Variants in ZNF407 observed in about 807,000 individuals in gnomAD.
ZNF407 encodes zinc finger protein 407.
In ZNF407, 17 loss-of-function variants were observed where a neutral mutation model predicts 131.2. That is an observed-to-expected ratio of 0.13 (90% CI 0.09 to 0.19). ZNF407 has a LOEUF of 0.19. Among genes scored for constraint, ZNF407 ranks in the 10% least tolerant of loss-of-function variants. ZNF407 has a pLI of 1.00. For synonymous variants in ZNF407, 1,156 were observed against 1,062.0 expected, an observed-to-expected ratio of 1.09 and a Z score of -1.72; for missense variants, 2,681 against 2,830.6, an observed-to-expected ratio of 0.95 and a Z score of 1.20.
intron 8 of ZNF407, among the ~76,000 whole-genome samples, chr18:75,027,696 G>A (rs1973187665): frequency 6.6e-6 from 1 of 152,174 alleles, no homozygotes; most frequent in African/African-American, 2.4e-5. Flanking sequence ...TCTTAGGAGG[G>A]AGTGTGAGGA....
chr18:74,598,113 C>G (rs1299250657), intron 1 of ZNF407, 176 bp downstream of exon 1: 1 of 138,306 alleles, frequency 7.2e-6, no homozygotes, highest in Admixed American at 7.3e-5. Context: ...CCCTCCCTGT[C>G]GCCTTCCTTC....
intron 8 of ZNF407, among the ~76,000 whole-genome samples, chr18:74,979,601 A>G (rs1023414806): frequency 1.3e-5 from 2 of 152,170 alleles, no homozygotes; most frequent in Admixed American, 1.3e-4. Context: ...TAAGAATTAT[A>G]TTTTTAATGT....
chr18:74,816,827 G>C (rs1970273776), intron 4 of ZNF407, among the ~76,000 whole-genome samples: 1 of 151,940 alleles, frequency 6.6e-6, no homozygotes, highest in Non-Finnish European at 1.5e-5. Context: ...TATTAAATTG[G>C]TGGTATAATT....
intron 4 of ZNF407, among the ~76,000 whole-genome samples, chr18:74,849,013 A>G (rs908170606): frequency 2.0e-5 from 3 of 150,802 alleles, no homozygotes; most frequent in African/African-American, 7.3e-5. Context: ...GGATTCCTTC[A>G]ATGCCACTTC....
intron 2 of ZNF407, among the ~76,000 whole-genome samples, chr18:74,637,269 C>T (rs894433824): frequency 3.3e-5 from 5 of 152,160 alleles, no homozygotes; most frequent in African/African-American, 1.2e-4. Context: ...TTTATTTAGT[C>T]GTTTACAATG....
chr18:74,720,604 GTTTTC>G (rs1968007692), intron 3 of ZNF407, among the ~76,000 whole-genome samples: 1 of 151,918 alleles, frequency 6.6e-6, no homozygotes, highest in South Asian at 2.1e-4. Context: ...GTTCTCCTAT[GTTTTC>G]TTCTGTTACT....
At chr18:74,857,126 G>A (rs1008904673) in intron 4 of ZNF407, among the ~76,000 whole-genome samples, 2 of 152,200 alleles carry the variant, frequency 1.3e-5, no homozygotes, top group Non-Finnish European at 2.9e-5. Flanking sequence ...TGTAATAAGA[G>A]TATTAAAGAC....
At chr18:74,757,727 A>G (rs1023815314) in intron 3 of ZNF407, among the ~76,000 whole-genome samples, 2 of 152,124 alleles carry the variant, frequency 1.3e-5, no homozygotes, top group African/African-American at 4.8e-5. Context: ...TTTATTACTG[A>G]AAATGGGCTT....
chr18:74,781,205 G>C (rs7228254), intron 3 of ZNF407, among the ~76,000 whole-genome samples: 99,635 of 151,972 alleles, frequency 0.66, 34,421 homozygotes, highest in East Asian at 0.95. Context: ...CTCACTGTTA[G>C]TGTATCCAAG....
chr18:74,969,009 G>GACAGA (rs1164341975), intron 8 of ZNF407, among the ~76,000 whole-genome samples: 1 of 152,092 alleles, frequency 6.6e-6, no homozygotes, highest in African/African-American at 2.4e-5. Context: ...TCTTCCCTCA[G>GACAGA]GTTTGCTGAT....
At chr18:74,756,651 A>T (rs1198545888) in intron 3 of ZNF407, among the ~76,000 whole-genome samples, 6 of 152,134 alleles carry the variant, frequency 3.9e-5, no homozygotes, top group African/African-American at 1.4e-4. Flanking sequence ...AACATTGCTG[A>T]AATTGTTTAT....
At chr18:75,039,937 T>C (rs1318356624) in intron 8 of ZNF407, among the ~76,000 whole-genome samples, 1 of 152,140 alleles carries the variant, frequency 6.6e-6, no homozygotes, top group Non-Finnish European at 1.5e-5. Flanking sequence ...GGAAATGAGT[T>C]GTATGCAGTT....
chr18:74,648,382 G>T (rs548904640), intron 3 of ZNF407, among the ~76,000 whole-genome samples: 1 of 152,152 alleles, frequency 6.6e-6, no homozygotes, highest in Non-Finnish European at 1.5e-5. Flanking sequence ...AATTGGGTGA[G>T]GTGGGCAGGG....
chr18:74,695,952 G>A (rs1967344861), intron 3 of ZNF407, among the ~76,000 whole-genome samples: 1 of 152,188 alleles, frequency 6.6e-6, no homozygotes, highest in Non-Finnish European at 1.5e-5. Context: ...CTTCCAGTCA[G>A]GATTTCCTTT....
Position 74,726,502 on chromosome 18 carries a change from T to C in ZNF407, c.4803-54926T>C, listed in dbSNP as rs1199896907. The stretch of plus-strand genomic sequence containing the variant: ...ATGCATAAACCAATTTACATAGAAA[T>C]ATGAAACAGCAATGTATTGGGAAAA... On this transcript the variant is annotated intron_variant, in intron 3 of 8. Transcript: ENST00000299687. 3.9e-5 allele frequency among the ~76,000 whole-genome samples: 6 copies of C among 152,268 alleles called. No homozygotes were observed. In the South Asian group the frequency reaches 8.3e-4, roughly 21 times the overall value.
At chr18:74,744,024 C>T (rs1968611163) in intron 3 of ZNF407, among the ~76,000 whole-genome samples, 1 of 151,888 alleles carries the variant, frequency 6.6e-6, no homozygotes, top group Non-Finnish European at 1.5e-5. Flanking sequence ...CTCATGGGAC[C>T]TTTTGATTAG....
rs910203534 is a variant in ZNF407 at position 74,633,983 on chromosome 18, A to C, written c.2964A>C (p.Lys988Asn). 5.0e-6 allele frequency: 8 copies of C among 1,613,926 alleles called. No homozygotes were observed. The African/African-American group carries it at 9.3e-5, about 19-fold the overall frequency. Residue 988 changes from lysine to asparagine, a missense_variant, in exon 2 of 9, where the codon AAA (lysine) becomes AAC (asparagine). Transcript: ENST00000299687. The stretch of plus-strand genomic sequence containing the variant: ...AAGTTAACAGCCATCTTCTTGATAA[A>C]AAGGAGCAAATATCTTCAGAGCCAG... ...DGEVNSHLLD[K>N]KEQISSEPED...
chr18:74,857,035 T>A (rs1184368207), intron 4 of ZNF407, among the ~76,000 whole-genome samples: 2 of 152,350 alleles, frequency 1.3e-5, no homozygotes, highest in East Asian at 3.9e-4. Context: ...GCTAAAGCTC[T>A]CATTATTTTT....
intron 3 of ZNF407, among the ~76,000 whole-genome samples, chr18:74,738,074 G>C (rs1820082157): frequency 6.6e-6 from 1 of 152,104 alleles, no homozygotes; most frequent in Admixed American, 6.6e-5. Flanking sequence ...ATACTGTACT[G>C]TGGTAATCAT....
Sources: gnomAD v4.1 joint callset for allele counts (sites outside exome capture counted in the v4.1 genomes callset) on GRCh38, gnomAD v4.1.1 for gene constraint, MANE v1.5 for transcripts, NCBI Gene and HGNC (gene_info 2026-07-23, HGNC 2026-07-21) for gene names.